ANKRD36: variants seen among roughly 807,000 people sequenced by gnomAD.
ANKRD36 encodes ankyrin repeat domain 36, also known as ankyrin repeat domain-containing protein 36A.
In ANKRD36, 179 loss-of-function variants were observed where a neutral mutation model predicts 278.1. That is an observed-to-expected ratio of 0.64 (90% CI 0.57 to 0.73). The LOEUF is 0.73. ANKRD36 is among the 30% of genes least tolerant of loss of function. The pLI, the probability that ANKRD36 is intolerant of heterozygous loss-of-function variation, is 0.00. For missense variants in ANKRD36, 1,159 were observed against 1,956.7 expected (o/e 0.59, Z 7.69); for synonymous variants, 320 against 641.1 (o/e 0.50, Z 7.57).
chr2:97,214,256 T>G, intron 60 of ANKRD36, among the ~76,000 whole-genome samples: 1 of 77,442 alleles, frequency 1.3e-5, no homozygotes. Context: ...GGGATAAACT[T>G]CATTTACTAA....
chr2:97,216,548 C>G (rs1191010872), intron 62 of ANKRD36: 3 of 171,268 alleles, frequency 1.8e-5, no homozygotes, highest in Non-Finnish European at 3.7e-5. Flanking sequence ...TTTTGGAAGG[C>G]TAAACGAGTG....
At chr2:97,159,973 C>T (rs529926595) in intron 17 of ANKRD36, among the ~76,000 whole-genome samples, 368 of 152,322 alleles carry the variant, frequency 2.4e-3, no homozygotes, top group African/African-American at 8.7e-3. Context: ...TTAGTAGAGA[C>T]GGGGTTTCAC....
At position 97,208,471 on chromosome 2, in the gene ANKRD36, G is replaced by A. The variant is rs551444923; in HGVS notation, c.3265+465G>A. 3.0e-3 allele frequency among the ~76,000 whole-genome samples: 434 copies of A among 146,600 alleles called. 87 individuals are homozygous for A. The highest frequency in any genetic ancestry group is 0.01 in the African/African-American group (381 of 37,724). ...TTTCCTAAGGAAGACGGATTGTGAG[G>A]CAGGAAGGTGTGAAAAGAGGAAGTC... On this transcript the variant is annotated intron_variant, in intron 54 of 75. Transcript: ENST00000420699.
At chr2:97,186,470 G>C (rs2057434966) in intron 30 of ANKRD36, among the ~76,000 whole-genome samples, 1 of 150,304 alleles carries the variant, frequency 6.7e-6, no homozygotes, top group Admixed American at 6.7e-5. Context: ...TTATTTAGTA[G>C]AAGTATGTCA....
At chr2:97,142,391 A>T (rs1423333434) in intron 6 of ANKRD36, among the ~76,000 whole-genome samples, 1 of 151,998 alleles carries the variant, frequency 6.6e-6, no homozygotes, top group Non-Finnish European at 1.5e-5. Context: ...ACACTGTTTC[A>T]TTTTAGTTTT....
intron 22 of ANKRD36, among the ~76,000 whole-genome samples, chr2:97,178,082 C>T (rs2054869523): frequency 6.6e-6 from 1 of 150,484 alleles, no homozygotes; most frequent in African/African-American, 2.4e-5. Context: ...AAAAAATGCT[C>T]ATCATCACTG....
chr2:97,232,222 T>G (rs1190951144), intron 67 of ANKRD36, among the ~76,000 whole-genome samples: 1 of 151,534 alleles, frequency 6.6e-6, no homozygotes, highest in Admixed American at 6.6e-5. Context: ...ACATGTACTC[T>G]GACAGAAAAG....
intron 3 of ANKRD36, 32 bp from the exon 4 acceptor site, chr2:97,122,855 T>G (rs1485365965): frequency 1.3e-6 from 2 of 1,516,824 alleles, no homozygotes; most frequent in Non-Finnish European, 1.8e-6. Context: ...TATGTAATTT[T>G]GTGATTATAA....
At chr2:97,133,212 G>A (rs1260887090) in intron 6 of ANKRD36, among the ~76,000 whole-genome samples, 2 of 151,872 alleles carry the variant, frequency 1.3e-5, no homozygotes, top group African/African-American at 4.8e-5. Flanking sequence ...TTAATTTTAG[G>A]TGTCTTAAAA....
intron 22 of ANKRD36, among the ~76,000 whole-genome samples, chr2:97,178,732 G>A (rs1209539091): frequency 6.6e-6 from 1 of 151,350 alleles, no homozygotes; most frequent in Non-Finnish European, 1.5e-5. Flanking sequence ...AATGCTAGAT[G>A]ATGAGATAGT....
Position 97,113,750 on chromosome 2 carries a change from GC to G in ANKRD36, c.12del (p.Lys5SerfsTer29), listed in dbSNP as rs141447363. The stretch of plus-strand genomic sequence containing the variant: ...TTGCAGCCGACGATTATGGAAGACG[GC>G]AAGCGGGAGAGGTGGCCCACCCTCA... The part of the protein sequence containing the change: MED[G>X]KRERWPTLME... On this transcript the variant is annotated frameshift_variant, in exon 1 of 76. Coordinates refer to ENST00000420699, the MANE Select transcript of ANKRD36 (RefSeq NM_001354587.1). LOFTEE classifies it high-confidence loss of function. 0.083 allele frequency: 132,972 copies of G among 1,610,304 alleles called. 7,758 individuals are homozygous for G. Among genetic ancestry groups the G allele is most frequent in the Non-Finnish European group, 0.092 (107,820 of 1,178,020 alleles).
chr2:97,201,513 T>C (rs1176022229), intron 46 of ANKRD36, among the ~76,000 whole-genome samples: 2 of 151,950 alleles, frequency 1.3e-5, no homozygotes, highest in African/African-American at 4.8e-5. Flanking sequence ...ATGATATTTT[T>C]ATTGAGGCTA....
intron 6 of ANKRD36, among the ~76,000 whole-genome samples, chr2:97,129,781 A>G (rs1398687571): frequency 1.3e-5 from 2 of 152,036 alleles, no homozygotes; most frequent in African/African-American, 4.8e-5. Flanking sequence ...CAATAGTTGT[A>G]GACATGCGGC....
At chr2:97,226,014 C>A (rs1327990518) in intron 67 of ANKRD36, among the ~76,000 whole-genome samples, 1 of 151,860 alleles carries the variant, frequency 6.6e-6, no homozygotes, top group Non-Finnish European at 1.5e-5. Flanking sequence ...TTTTCTTAAT[C>A]CAGACTATCA....
intron 22 of ANKRD36, among the ~76,000 whole-genome samples, chr2:97,179,309 A>T (rs1248783081): frequency 2.6e-5 from 4 of 151,620 alleles, no homozygotes; most frequent in African/African-American, 7.3e-5. Context: ...GAGCATGATG[A>T]ATGTTTGCAG....
rs568595313 is a variant in ANKRD36 at position 97,169,999 on chromosome 2, G to A, written c.1633+2232G>A. Among the ~76,000 whole-genome samples the A allele has an allele frequency of 4.4e-4, 67 of 152,114 alleles. 2 individuals carry two copies. Among genetic ancestry groups the A allele is most frequent in the Admixed American group, 4.4e-3 (67 of 15,250 alleles). ...GTAAGTAAAAAGAACAGAGCTGGAG[G>A]CATCACGCTACCTGACTTCAAACTA... On this transcript the variant is annotated intron_variant, in intron 22 of 75. Coordinates refer to ENST00000420699, the MANE Select transcript of ANKRD36 (RefSeq NM_001354587.1).
intron 40 of ANKRD36, 97 bp downstream of exon 40, chr2:97,195,014 C>T (rs1428377540): frequency 1.4e-6 from 2 of 1,467,410 alleles, no homozygotes; most frequent in Non-Finnish European, 1.8e-6. Context: ...GATGCACATT[C>T]TGATTCAGCA....
intron 75 of ANKRD36, among the ~76,000 whole-genome samples, chr2:97,261,425 A>C (rs2076747758): frequency 7.5e-6 from 1 of 133,976 alleles, no homozygotes; most frequent in Non-Finnish European, 1.5e-5. Flanking sequence ...AAGCTCCCAG[A>C]AGGAGCTTGA....
chr2:97,210,101 C>A (rs1390078819), intron 56 of ANKRD36, among the ~76,000 whole-genome samples: 1 of 151,802 alleles, frequency 6.6e-6, no homozygotes, highest in South Asian at 2.1e-4. Context: ...AGAAGAAATA[C>A]GGAGAGCAGC....
Sources: allele counts gnomAD v4.1 joint callset (sites outside exome capture counted in the v4.1 genomes callset), GRCh38; gene constraint gnomAD v4.1.1; transcripts MANE v1.5; gene names NCBI Gene and HGNC (gene_info 2026-07-23, HGNC 2026-07-21).